SEC24A: variants seen among roughly 807,000 people sequenced by gnomAD.
The protein encoded by SEC24A is SEC24 homolog A, COPII component.
In SEC24A, 93 loss-of-function variants were observed where a neutral mutation model predicts 129.4. The observed-to-expected ratio is 0.72, with a 90% CI of 0.61 to 0.85. The LOEUF (loss-of-function observed/expected upper bound fraction) is 0.85, where lower values mean the gene tolerates loss of function less well. SEC24A is among the 40% of genes least tolerant of loss of function. SEC24A has a pLI of 0.00. For synonymous variants in SEC24A, 460 were observed against 467.3 expected, an observed-to-expected ratio of 0.98 and a Z score of 0.20; for missense variants, 1,264 against 1,307.4, an observed-to-expected ratio of 0.97 and a Z score of 0.51.
At chr5:134,715,595 C>A in intron 19 of SEC24A, 1 of 163,700 alleles carries the variant, frequency 6.1e-6, no homozygotes, top group Non-Finnish European at 1.3e-5. Context: ...GAACAGAAAA[C>A]CGAACACTGC....
At chr5:134,663,652 C>T (rs1437909673) in intron 2 of SEC24A, among the ~76,000 whole-genome samples, 1 of 152,020 alleles carries the variant, frequency 6.6e-6, no homozygotes, top group African/African-American at 2.4e-5. Flanking sequence ...AGCAAGACCC[C>T]ATCTCTATTT....
At chr5:134,711,915 T>C (rs1752339031) in intron 18 of SEC24A, among the ~76,000 whole-genome samples, 1 of 151,732 alleles carries the variant, frequency 6.6e-6, no homozygotes, top group African/African-American at 2.4e-5. Flanking sequence ...GCCCGGCTAA[T>C]TTTTTGTATT....
Position 134,717,457 on chromosome 5 carries a change from A to G in SEC24A, c.2866-612A>G, listed in dbSNP as rs1372201458. ...GGGAGGCGGAGGTTGCGGTGAGCCA[A>G]GATGGTGCCATTGCACTCCAGCCTT... On this transcript the variant is annotated intron_variant, in intron 19 of 22. Transcript: ENST00000398844. Among the ~76,000 whole-genome samples the G allele has an allele frequency of 3.3e-5, 5 of 152,018 alleles. No individual in the cohort carries two copies. In the East Asian group the frequency reaches 7.9e-4, roughly 24 times the overall value.
At chr5:134,659,045 A>ATTTTTTTT (rs1376959719) in intron 1 of SEC24A, among the ~76,000 whole-genome samples, 8 of 99,170 alleles carry the variant, frequency 8.1e-5, no homozygotes, top group Non-Finnish European at 1.6e-4. Context: ...TGACCCATTT[A>ATTTTTTTT]TTTTTATTTA....
intron 3 of SEC24A, among the ~76,000 whole-genome samples, chr5:134,668,259 T>G (rs1360471287): frequency 6.6e-6 from 1 of 152,186 alleles, no homozygotes. Flanking sequence ...TAGCATTACA[T>G]TAAGTATTAT....
At chr5:134,691,876 C>T (rs1751667614) in intron 11 of SEC24A, among the ~76,000 whole-genome samples, 1 of 150,140 alleles carries the variant, frequency 6.7e-6, no homozygotes, top group African/African-American at 2.5e-5. Flanking sequence ...TCTTGTGTGT[C>T]ATGTTAGTCA....
At chr5:134,658,211 C>T (rs947182149) in intron 1 of SEC24A, among the ~76,000 whole-genome samples, 1 of 152,068 alleles carries the variant, frequency 6.6e-6, no homozygotes, top group Admixed American at 6.6e-5. Flanking sequence ...GCGGAGGTTG[C>T]AGTGAGCCGA....
chr5:134,693,500 T>A, intron 12 of SEC24A: 1 of 1,413,698 alleles, frequency 7.1e-7, no homozygotes, highest in Admixed American at 3.0e-5. Context: ...GCTGGACTAC[T>A]GCATGTGCAA....
chr5:134,693,236 ATT>A, intron 12 of SEC24A: 1 of 1,474,548 alleles, frequency 6.8e-7, no homozygotes, highest in African/African-American at 1.4e-5. Context: ...AGTGCGAAGT[ATT>A]TTTTTCCCCA....
In SEC24A at chr5:134,676,139, CTTTTCT is replaced by C; in HGVS notation, c.1254+19_1254+24del. ...AAAGACTTAGTGGTATGTTTCTTTT[CTTTTCT>C]TTTTTTTTTTTTGAGACGGAGTCTC... On this transcript the variant is annotated intron_variant, in intron 7 of 22. Coordinates refer to ENST00000398844, the MANE Select transcript of SEC24A (RefSeq NM_021982.3). 2 of 1,553,456 alleles carry C rather than the reference CTTTTCT, an allele frequency of 1.3e-6. No individual in the cohort carries two copies. The highest frequency in any genetic ancestry group is 1.7e-6 in the Non-Finnish European group (2 of 1,145,396).
chr5:134,676,226 G>A (rs1035883502), intron 7 of SEC24A, 101 bp downstream of exon 7: 1 of 734,478 alleles, frequency 1.4e-6, no homozygotes, highest in Admixed American at 3.1e-5. Flanking sequence ...TGCAACCTCT[G>A]CCCTCCATGT....
intron 15 of SEC24A, 30 bp downstream of exon 15, chr5:134,698,087 G>C (rs246341): frequency 1.9e-6 from 3 of 1,573,448 alleles, no homozygotes; most frequent in Non-Finnish European, 2.6e-6. Context: ...GCGTAGGACT[G>C]AATAATATTT....
intron 21 of SEC24A, among the ~76,000 whole-genome samples, chr5:134,722,459 C>T (rs2150115257): frequency 6.6e-6 from 1 of 152,244 alleles, no homozygotes. Flanking sequence ...CAACTACTCT[C>T]CCAGCTACTC....
At chr5:134,701,501 C>G (rs1426993365) in intron 15 of SEC24A, among the ~76,000 whole-genome samples, 1 of 126,248 alleles carries the variant, frequency 7.9e-6, no homozygotes, top group East Asian at 2.5e-4. Flanking sequence ...TGCCAGGCAA[C>G]TCCTTTGCCC....
chr5:134,651,364 G>A (rs527406496), intron 1 of SEC24A, among the ~76,000 whole-genome samples: 13 of 149,724 alleles, frequency 8.7e-5, no homozygotes, highest in South Asian at 2.1e-4. Flanking sequence ...GCTCGATCTC[G>A]GCTCACTGCA....
In SEC24A at chr5:134,676,019, A is replaced by T. The variant is rs1213381419; in HGVS notation, c.1152-4A>T. 1 of 1,587,180 alleles carries T rather than the reference A, an allele frequency of 6.3e-7. No homozygotes were observed. The highest frequency in any genetic ancestry group is 1.4e-5 in the African/African-American group (1 of 73,030). On this transcript the variant is annotated splice_polypyrimidine_tract_variant and splice_region_variant and intron_variant, in intron 6 of 22. Coordinates refer to ENST00000398844, the MANE Select transcript of SEC24A (RefSeq NM_021982.3). Reference sequence around the variant, plus strand: ...ACTGATACATACTTTTTACTTTGATATAGGTTATTTCGATGCACGCTGACT... The same window carrying T: ...ACTGATACATACTTTTTACTTTGATTTAGGTTATTTCGATGCACGCTGACT...
chr5:134,658,291 A>G (rs918250527), intron 1 of SEC24A, among the ~76,000 whole-genome samples: 11 of 152,230 alleles, frequency 7.2e-5, no homozygotes, highest in African/African-American at 2.4e-4. Context: ...CAAAAGCAAT[A>G]TAATTCAATT....
At chr5:134,652,717 A>G (rs1201791519) in intron 1 of SEC24A, among the ~76,000 whole-genome samples, 2 of 152,298 alleles carry the variant, frequency 1.3e-5, no homozygotes, top group East Asian at 3.9e-4. Context: ...CTTCCCGAGT[A>G]GCTGGGGTTA....
chr5:134,708,130 A>G (rs1752220091), intron 17 of SEC24A, among the ~76,000 whole-genome samples: 1 of 152,080 alleles, frequency 6.6e-6, no homozygotes, highest in Non-Finnish European at 1.5e-5. Flanking sequence ...CTCTGTCTCT[A>G]AATAAATTAA....
Sources: gnomAD v4.1 joint callset for allele counts (sites outside exome capture counted in the v4.1 genomes callset) on GRCh38, gnomAD v4.1.1 for gene constraint, MANE v1.5 for transcripts, NCBI Gene and HGNC (gene_info 2026-07-23, HGNC 2026-07-21) for gene names.